Variants in CBLN2 observed in about 807,000 individuals in gnomAD.
CBLN2 encodes the protein cerebellin 2 precursor, also known as cerebellin-2.
CBLN2 carries 7 observed loss-of-function variants against 15.0 expected under a neutral mutation model. That is an observed-to-expected ratio of 0.47 (90% CI 0.27 to 0.88). The LOEUF (loss-of-function observed/expected upper bound fraction) is 0.88, where lower values mean the gene tolerates loss of function less well. CBLN2 is among the 40% of genes least tolerant of loss of function. CBLN2 has a pLI of 0.14. For synonymous variants in CBLN2, 149 were observed against 135.2 expected, an observed-to-expected ratio of 1.10 and a Z score of -0.71; for missense variants, 242 against 304.5, an observed-to-expected ratio of 0.79 and a Z score of 1.53.
intron 1 of CBLN2, among the ~76,000 whole-genome samples, chr18:72,581,615 G>A (rs767347261): frequency 3.9e-5 from 6 of 152,066 alleles, no homozygotes; most frequent in Non-Finnish European, 7.4e-5. Flanking sequence ...TTGTTTACAC[G>A]AAGTTATCTG....
intron 1 of CBLN2, among the ~76,000 whole-genome samples, chr18:72,590,371 G>A (rs1411454704): frequency 6.6e-6 from 1 of 152,064 alleles, no homozygotes. Context: ...CATGTGAACC[G>A]GGAGGTGGAG....
At chr18:72,594,551 G>C (rs1214757261) in intron 1 of CBLN2, among the ~76,000 whole-genome samples, 3 of 151,792 alleles carry the variant, frequency 2.0e-5, no homozygotes, top group Non-Finnish European at 4.4e-5. Context: ...GGTATAGTTT[G>C]AGTAGGATTG....
intron 1 of CBLN2, among the ~76,000 whole-genome samples, chr18:72,606,221 T>C (rs1248369821): frequency 6.6e-6 from 1 of 152,226 alleles, no homozygotes; most frequent in African/African-American, 2.4e-5. Flanking sequence ...ACTGCAACAC[T>C]TTTATCTGGC....
chr18:72,602,556 C>T (rs757375046), intron 1 of CBLN2, among the ~76,000 whole-genome samples: 3 of 152,050 alleles, frequency 2.0e-5, no homozygotes, highest in East Asian at 1.9e-4. Flanking sequence ...TCTTGGCAGC[C>T]GTCCCCAGTC....
intron 1 of CBLN2, among the ~76,000 whole-genome samples, chr18:72,606,537 G>C (rs796271495): frequency 2.6e-5 from 4 of 152,284 alleles, no homozygotes; most frequent in African/African-American, 9.6e-5. Flanking sequence ...CTTATGTCAG[G>C]TCCCTTAGAA....
chr18:72,570,418 T>C (rs972729953), intron 1 of CBLN2, among the ~76,000 whole-genome samples: 2 of 151,360 alleles, frequency 1.3e-5, no homozygotes, highest in Non-Finnish European at 2.9e-5. Flanking sequence ...TTGTATTTTT[T>C]TTTTTTTTTT....
chr18:72,613,534 G>A (rs151231409), intron 1 of CBLN2, among the ~76,000 whole-genome samples: 2 of 152,124 alleles, frequency 1.3e-5, no homozygotes, highest in East Asian at 3.9e-4. Flanking sequence ...ACCCTAATGT[G>A]GCATGCCCTG....
chr18:72,552,390 CT>C (rs34143169), intron 1 of CBLN2, among the ~76,000 whole-genome samples: 53 of 151,036 alleles, frequency 3.5e-4, no homozygotes, highest in South Asian at 1.3e-3. Context: ...GGCCAAAATA[CT>C]TTTTTTTTAA....
At chr18:72,577,872 G>C (rs886139615) in intron 1 of CBLN2, among the ~76,000 whole-genome samples, 1 of 152,202 alleles carries the variant, frequency 6.6e-6, no homozygotes, top group Non-Finnish European at 1.5e-5. Context: ...ATCAGCATTA[G>C]AGCATTGTGA....
intron 1 of CBLN2, among the ~76,000 whole-genome samples, chr18:72,566,605 G>A (rs61308061): frequency 7.2e-5 from 11 of 152,182 alleles, no homozygotes; most frequent in African/African-American, 2.4e-4. Context: ...TAAAAAGGTC[G>A]ATCTCATAGA....
chr18:72,577,027 T>A (rs906288786), intron 1 of CBLN2, among the ~76,000 whole-genome samples: 2 of 147,704 alleles, frequency 1.4e-5, no homozygotes, highest in African/African-American at 2.5e-5. Flanking sequence ...ATGTGATATA[T>A]ATAATGTATA....
At chr18:72,574,297 C>T (rs1304189853) in intron 1 of CBLN2, among the ~76,000 whole-genome samples, 6 of 152,056 alleles carry the variant, frequency 3.9e-5, no homozygotes, top group East Asian at 1.9e-4. Context: ...TCAAGTTTTA[C>T]GGATTGTGCA....
At chr18:72,618,399 G>T in intron 1 of CBLN2, 1 of 576,950 alleles carries the variant, frequency 1.7e-6, no homozygotes, top group Non-Finnish European at 3.2e-6. Context: ...AGACTAGGCG[G>T]TCTTGAGAGA....
At chr18:72,574,184 G>A (rs1180743677) in intron 1 of CBLN2, among the ~76,000 whole-genome samples, 1 of 151,924 alleles carries the variant, frequency 6.6e-6, no homozygotes, top group Non-Finnish European at 1.5e-5. Flanking sequence ...TTTGATAATG[G>A]CTATTTATTA....
intron 1 of CBLN2, among the ~76,000 whole-genome samples, chr18:72,598,208 C>T (rs1395389998): frequency 1.3e-5 from 2 of 152,160 alleles, no homozygotes; most frequent in African/African-American, 4.8e-5. Flanking sequence ...GTAGGTACTC[C>T]CTGGTTCTCA....
intron 1 of CBLN2, among the ~76,000 whole-genome samples, chr18:72,563,421 A>C (rs2069274206): frequency 6.6e-6 from 1 of 152,200 alleles, no homozygotes; most frequent in Admixed American, 6.5e-5. Flanking sequence ...TAGGACATCA[A>C]CAAGATAGCT....
chr18:72,588,391 A>G (rs1008901283), intron 1 of CBLN2, among the ~76,000 whole-genome samples: 2 of 152,274 alleles, frequency 1.3e-5, no homozygotes, highest in African/African-American at 4.8e-5. Flanking sequence ...TGAAATTTGT[A>G]TAACATGAAA....
chr18:72,557,557 C>T (rs11660423), intron 1 of CBLN2, among the ~76,000 whole-genome samples: 87,674 of 152,068 alleles, frequency 0.58, 30,759 homozygotes, highest in Non-Finnish European at 0.79. Flanking sequence ...ATATACACCA[C>T]GGAATACTAT....
At chr18:72,617,693 G>A (rs552883281) in intron 1 of CBLN2, among the ~76,000 whole-genome samples, 1 of 152,236 alleles carries the variant, frequency 6.6e-6, no homozygotes, top group South Asian at 2.1e-4. Context: ...TACCATATAG[G>A]ATGCTGTGAA....
Sources: allele counts gnomAD v4.1 joint callset (sites outside exome capture counted in the v4.1 genomes callset), GRCh38; gene constraint gnomAD v4.1.1; transcripts MANE v1.5; gene names NCBI Gene and HGNC (gene_info 2026-07-23, HGNC 2026-07-21).